The following BBS9 variants were observed in gnomAD, a reference collection of about 807,000 sequenced individuals.
BBS9 encodes protein PTHB1.
BBS9 carries 89 observed loss-of-function variants against 117.7 expected under a neutral mutation model. That is an observed-to-expected ratio of 0.76 (90% CI 0.64 to 0.90). BBS9 has a LOEUF of 0.90. Ranked by LOEUF, BBS9 falls within the 40% of genes least tolerant of loss-of-function variation. The pLI, the probability that BBS9 is intolerant of heterozygous loss-of-function variation, is 0.00. For missense variants in BBS9, 982 were observed against 1,042.2 expected, an observed-to-expected ratio of 0.94 and a Z score of 0.80; for synonymous variants, 379 against 370.9, an observed-to-expected ratio of 1.02 and a Z score of -0.25.
chr7:33,504,293 C>T (rs1487376668), intron 19 of BBS9, among the ~76,000 whole-genome samples: 1 of 152,168 alleles, frequency 6.6e-6, no homozygotes, highest in African/African-American at 2.4e-5. Context: ...GTCGCCCCAG[C>T]AATTTCAGGC....
intron 19 of BBS9, among the ~76,000 whole-genome samples, chr7:33,476,488 T>A (rs191747630): frequency 2.5e-4 from 38 of 152,334 alleles, no homozygotes; most frequent in South Asian, 6.2e-4. Context: ...TTGGGCAGCA[T>A]CTTGGCCATG....
At chr7:33,368,019 T>C (rs1481371481) in intron 17 of BBS9, among the ~76,000 whole-genome samples, 157 bp downstream of exon 17, 1 of 152,210 alleles carries the variant, frequency 6.6e-6, no homozygotes, top group Non-Finnish European at 1.5e-5. Context: ...GTGAAAGTTA[T>C]GAAGTGAGGA....
At chr7:33,339,275 T>C (rs374723382) in intron 10 of BBS9, among the ~76,000 whole-genome samples, 12 of 152,246 alleles carry the variant, frequency 7.9e-5, no homozygotes, top group African/African-American at 2.9e-4. Flanking sequence ...TAAGGAGCTT[T>C]CTTGGAAGCC....
Position 33,631,184 on chromosome 7 carries a change from G to C in BBS9, c.2522-3993G>C, listed in dbSNP as rs376080139. 3.3e-5 allele frequency among the ~76,000 whole-genome samples: 5 copies of C among 152,292 alleles called. No homozygotes were observed. The East Asian group carries it at 7.7e-4, about 24-fold the overall frequency. ...AAGTTGGAGGAAAGGCGAAAAGGCC[G>C]TGTGTCTGGTCCACAGAGAGGAGAG... is the stretch of plus-strand genomic sequence containing the variant. On this transcript the variant is annotated intron_variant, in intron 21 of 21. Transcript: ENST00000671952.
chr7:33,393,370 G>A (rs928799722), intron 19 of BBS9, among the ~76,000 whole-genome samples: 1 of 152,040 alleles, frequency 6.6e-6, no homozygotes, highest in Non-Finnish European at 1.5e-5. Context: ...GGCTTCATGG[G>A]CATGTCACCT....
intron 12 of BBS9, among the ~76,000 whole-genome samples, chr7:33,345,854 G>C (rs1377262977): frequency 6.6e-6 from 1 of 152,102 alleles, no homozygotes; most frequent in African/African-American, 2.4e-5. Context: ...AAGAGATCTT[G>C]TGCCTTAACT....
intron 20 of BBS9, among the ~76,000 whole-genome samples, chr7:33,506,352 T>C (rs1213409223): frequency 6.6e-6 from 1 of 152,180 alleles, no homozygotes; most frequent in Non-Finnish European, 1.5e-5. Flanking sequence ...TTGAACTTAG[T>C]TCTTCGTATT....
chr7:33,431,691 G>A (rs2128878549), intron 19 of BBS9, among the ~76,000 whole-genome samples: 1 of 152,324 alleles, frequency 6.6e-6, no homozygotes, highest in Non-Finnish European at 1.5e-5. Flanking sequence ...CGTACTGTGA[G>A]AAATAGATTT....
chr7:33,191,487 T>G (rs1562770050), intron 5 of BBS9, among the ~76,000 whole-genome samples: 1 of 152,190 alleles, frequency 6.6e-6, no homozygotes, highest in African/African-American at 2.4e-5. Context: ...TCACTTTCTC[T>G]CCTAGGACCT....
intron 9 of BBS9, among the ~76,000 whole-genome samples, chr7:33,312,823 A>T (rs753332771): frequency 7.2e-5 from 11 of 152,126 alleles, no homozygotes; most frequent in Non-Finnish European, 1.6e-4. Context: ...TCATCTTTGA[A>T]TGTACTACAT....
intron 21 of BBS9, among the ~76,000 whole-genome samples, chr7:33,581,970 A>G (rs899937778): frequency 6.7e-6 from 1 of 149,934 alleles, no homozygotes; most frequent in African/African-American, 2.5e-5. Flanking sequence ...ACTTCCAATT[A>G]TTTTACACCA....
chr7:33,152,579 A>T, intron 2 of BBS9, 122 bp from the exon 3 acceptor site: 1 of 945,126 alleles, frequency 1.1e-6, no homozygotes, highest in Non-Finnish European at 1.6e-6. Context: ...CTTTGTGTAT[A>T]AAGCAAGACT....
intron 17 of BBS9, among the ~76,000 whole-genome samples, chr7:33,371,583 G>A (rs1822869210): frequency 6.6e-6 from 1 of 152,156 alleles, no homozygotes; most frequent in South Asian, 2.1e-4. Context: ...AGAAGAGAGA[G>A]GGGATGGGAT....
At chr7:33,568,050 T>C (rs2700695) in intron 21 of BBS9, among the ~76,000 whole-genome samples, 46,303 of 152,020 alleles carry the variant, frequency 0.3, 9,039 homozygotes, top group African/African-American at 0.55. Context: ...TAGAAAGAAC[T>C]TCCTTGGCTT....
At chr7:33,369,635 A>G (rs769287969) in intron 17 of BBS9, among the ~76,000 whole-genome samples, 1 of 152,294 alleles carries the variant, frequency 6.6e-6, no homozygotes, top group East Asian at 1.9e-4. Context: ...GGCTACAGTG[A>G]CACACAGAAT....
At chr7:33,613,433 A>G (rs1392385212) in intron 21 of BBS9, among the ~76,000 whole-genome samples, 2 of 151,844 alleles carry the variant, frequency 1.3e-5, no homozygotes, top group Non-Finnish European at 2.9e-5. Context: ...ACTTCTCCAT[A>G]ATGTTATGGA....
intron 21 of BBS9, among the ~76,000 whole-genome samples, chr7:33,619,722 G>A (rs192913398): frequency 8.5e-4 from 130 of 152,122 alleles, no homozygotes; most frequent in African/African-American, 3.0e-3. Context: ...CAAATATGTT[G>A]AAATTAAACA....
intron 5 of BBS9, among the ~76,000 whole-genome samples, chr7:33,210,609 C>G (rs1583642368): frequency 1.3e-5 from 2 of 152,304 alleles, no homozygotes; most frequent in South Asian, 4.1e-4. Context: ...ACAGTCTTGG[C>G]TCACTGCAAC....
chr7:33,622,527 T>C (rs1314897037), intron 21 of BBS9, among the ~76,000 whole-genome samples: 2 of 152,224 alleles, frequency 1.3e-5, no homozygotes, highest in Non-Finnish European at 2.9e-5. Context: ...GTATACACAT[T>C]CAATATCAAA....
Sources: allele counts gnomAD v4.1 joint callset (sites outside exome capture counted in the v4.1 genomes callset), GRCh38; gene constraint gnomAD v4.1.1; transcripts MANE v1.5; gene names NCBI Gene and HGNC (gene_info 2026-07-23, HGNC 2026-07-21).